The following SHB variants were observed in gnomAD, a reference collection of about 807,000 sequenced individuals.
SHB encodes the protein SH2 domain-containing adapter protein B.
Under a neutral mutation model 52.3 loss-of-function variants are expected in SHB, and 20 were observed. The ratio of observed to expected loss-of-function variants is 0.38; its 90% CI spans 0.27 to 0.56. The LOEUF is 0.56. Ranked by LOEUF, SHB falls within the 20% of genes least tolerant of loss-of-function variation. SHB has a pLI of 0.71. For missense variants in SHB, 825 were observed against 723.3 expected, an observed-to-expected ratio of 1.14 and a Z score of -1.61; for synonymous variants, 397 against 316.5, an observed-to-expected ratio of 1.25 and a Z score of -2.70.
intron 1 of SHB, among the ~76,000 whole-genome samples, chr9:38,052,620 A>AC (rs924408936): frequency 6.6e-6 from 1 of 151,664 alleles, no homozygotes; most frequent in Non-Finnish European, 1.5e-5. Context: ...CTGGGTCCCC[A>AC]CCTCCATGCC....
chr9:37,977,987 C>A (rs563633717), intron 2 of SHB, among the ~76,000 whole-genome samples: 40 of 152,328 alleles, frequency 2.6e-4, no homozygotes, highest in African/African-American at 9.1e-4. Flanking sequence ...CTTTTGCTCA[C>A]TCTCACGCCA....
chr9:38,024,829 A>T (rs1432590103), intron 1 of SHB, among the ~76,000 whole-genome samples: 1 of 152,214 alleles, frequency 6.6e-6, no homozygotes, highest in African/African-American at 2.4e-5. Flanking sequence ...AGGGGTCTGC[A>T]GCCACTACTG....
intron 3 of SHB, among the ~76,000 whole-genome samples, chr9:37,958,501 C>A (rs994781761): frequency 2.0e-5 from 3 of 152,208 alleles, no homozygotes; most frequent in African/African-American, 7.2e-5. Context: ...ACCCACAGCT[C>A]CGTGATGCCA....
intron 3 of SHB, among the ~76,000 whole-genome samples, chr9:37,964,049 C>A (rs982750123): frequency 6.6e-6 from 1 of 152,234 alleles, no homozygotes; most frequent in Non-Finnish European, 1.5e-5. Flanking sequence ...ACCTACCCCA[C>A]CTGCCCAGTG....
intron 1 of SHB, among the ~76,000 whole-genome samples, chr9:38,034,690 GGTTTGTTCATTT>G (rs1318780613): frequency 2.6e-5 from 4 of 152,128 alleles, no homozygotes; most frequent in Admixed American, 1.3e-4. Context: ...TCATGTTTTT[GGTTTGTTCATTT>G]GTTTGTTTTA....
chr9:38,047,258 T>C (rs189950232), intron 1 of SHB, among the ~76,000 whole-genome samples: 1 of 152,374 alleles, frequency 6.6e-6, no homozygotes. Flanking sequence ...ACAATTCCTG[T>C]GAGGACTCCA....
At position 38,068,473 on chromosome 9, in the gene SHB, G is replaced by T; in HGVS notation, c.173C>A (p.Ala58Asp). Residue 58 changes from alanine to aspartate, a missense_variant, in exon 1 of 6, where the codon GCC (alanine) becomes GAC (aspartate). Physicochemically the swap from Ala to Asp is moderately radical, Grantham distance 126 (BLOSUM62 -2). Transcript: ENST00000377707. ...AGAGGCTGAGAAGCAGGAGGCGGTG[G>T]CCGGACCGCAGGACGCCGAGGCGGC... ...SSAASASCGP[A>D]TASCFSASSG... 1 of 1,512,398 alleles carries T rather than the reference G, an allele frequency of 6.6e-7. No individual in the cohort carries two copies. The highest frequency in any genetic ancestry group is 2.7e-5 in the East Asian group (1 of 36,716). The allele number at this position is 1,512,398 out of a possible 1,614,324, so 93.7% of individuals were successfully genotyped here.
intron 1 of SHB, among the ~76,000 whole-genome samples, chr9:38,034,618 G>A (rs192384861): frequency 2.6e-5 from 4 of 152,374 alleles, no homozygotes; most frequent in Admixed American, 2.6e-4. Context: ...TGCATCCTGT[G>A]CCAGGGGTTG....
At chr9:37,949,771 C>T (rs1160584055) in intron 4 of SHB, among the ~76,000 whole-genome samples, 5 of 152,206 alleles carry the variant, frequency 3.3e-5, no homozygotes, top group Non-Finnish European at 5.9e-5. Flanking sequence ...CATGCTCCTG[C>T]CAGACGGCTC....
At chr9:37,975,824 G>A (rs994969421) in intron 2 of SHB, among the ~76,000 whole-genome samples, 2 of 152,154 alleles carry the variant, frequency 1.3e-5, no homozygotes, top group African/African-American at 4.8e-5. Context: ...TGGCGGCAAA[G>A]GGGGCTCAGT....
chr9:38,040,727 C>T (rs1179127728), intron 1 of SHB, among the ~76,000 whole-genome samples: 1 of 152,006 alleles, frequency 6.6e-6, no homozygotes, highest in Non-Finnish European at 1.5e-5. Flanking sequence ...CAGTTTACAA[C>T]GTTGCAGAGT....
intron 1 of SHB, among the ~76,000 whole-genome samples, chr9:38,043,459 TGATCACTGGAA>T (rs1821606830): frequency 6.6e-6 from 1 of 152,184 alleles, no homozygotes; most frequent in Non-Finnish European, 1.5e-5. Context: ...CCTGAAAAAG[TGATCACTGGAA>T]GCACCGCTGT....
intron 2 of SHB, among the ~76,000 whole-genome samples, chr9:37,984,948 G>A (rs1820786208): frequency 6.6e-6 from 1 of 152,152 alleles, no homozygotes; most frequent in South Asian, 2.1e-4. Context: ...GCTCAGAGAC[G>A]GAGCTGGAGC....
In SHB at chr9:37,935,770, C is replaced by T. The variant is rs79793817; in HGVS notation, c.1346+12865G>A. Among the ~76,000 whole-genome samples the T allele has an allele frequency of 8.0e-3, 1,220 of 152,130 alleles. 11 individuals carry two copies. Among genetic ancestry groups the T allele is most frequent in the African/African-American group, 0.028 (1,146 of 41,506 alleles). On this transcript the variant is annotated intron_variant, in intron 5 of 5. Coordinates refer to ENST00000377707, the MANE Select transcript of SHB (RefSeq NM_003028.3). ...TCCAGGTGGTCTACCTTCTTAGCCA[C>T]GATACTCTATGCTTTTTCTCTACTG...
chr9:37,970,835 C>A (rs535861307), intron 3 of SHB, among the ~76,000 whole-genome samples: 1 of 152,042 alleles, frequency 6.6e-6, no homozygotes, highest in Non-Finnish European at 1.5e-5. Context: ...TGTGACTCCC[C>A]CTTTGGCAGG....
chr9:37,929,735 T>A lies in SHB; in HGVS notation c.1347-9731A>T, dbSNP rs1201072933. ...GGGCAAGGCGTTTACTGCCCTGAGATCGATTTCCTGAAACATCAAGTGTTC... is the reference window on the plus strand; with the variant it reads ...GGGCAAGGCGTTTACTGCCCTGAGAACGATTTCCTGAAACATCAAGTGTTC... On this transcript the variant is annotated intron_variant, in intron 5 of 5. Transcript: ENST00000377707. Among the ~76,000 whole-genome samples, 3 of 152,320 alleles carry A rather than the reference T, an allele frequency of 2.0e-5. No homozygotes were observed. In the East Asian group the frequency reaches 5.8e-4, roughly 29 times the overall value.
intron 5 of SHB, among the ~76,000 whole-genome samples, chr9:37,933,044 C>G (rs1420974656): frequency 6.6e-6 from 1 of 152,142 alleles, no homozygotes; most frequent in African/African-American, 2.4e-5. Flanking sequence ...CAAATTAAGA[C>G]AGATCTGCCT....
rs962351150 is a variant in SHB at position 38,068,312 on chromosome 9, G to A, written c.334C>T (p.Leu112=). Reference sequence around the variant, plus strand: ...TCCCCGCTGCCGCCGCAGTAGTCCAGGCGGCACATGGCGCGCAGTTTGCGC... The same window carrying A: ...TCCCCGCTGCCGCCGCAGTAGTCCAAGCGGCACATGGCGCGCAGTTTGCGC... ...SLRKLRAMCR[L]DYCGGSGEPG... Residue 112 remains leucine (L), a synonymous_variant, in exon 1 of 6, where the codon CTG becomes TTG. Coordinates refer to ENST00000377707, the MANE Select transcript of SHB (RefSeq NM_003028.3). The A allele has an allele frequency of 1.4e-5, 22 of 1,522,166 alleles. No homozygotes were observed. Among genetic ancestry groups the A allele is most frequent in the Non-Finnish European group, 1.9e-5 (22 of 1,140,294 alleles). The allele number at this position is 1,522,166 out of a possible 1,614,324, so 94.3% of individuals were successfully genotyped here.
At chr9:37,932,703 G>A (rs1349667728) in intron 5 of SHB, among the ~76,000 whole-genome samples, 1 of 152,104 alleles carries the variant, frequency 6.6e-6, no homozygotes, top group Non-Finnish European at 1.5e-5. Flanking sequence ...AACCCCAAAT[G>A]CCTGGGCTCA....
Sources: allele counts gnomAD v4.1 joint callset (sites outside exome capture counted in the v4.1 genomes callset), GRCh38; gene constraint gnomAD v4.1.1; transcripts MANE v1.5; gene names NCBI Gene and HGNC (gene_info 2026-07-23, HGNC 2026-07-21).